The following GREB1 variants were observed in gnomAD, a reference collection of about 807,000 sequenced individuals.
GREB1 encodes protein GREB1.
A neutral mutation model predicts 200.7 loss-of-function variants in GREB1; 106 were observed. That is an observed-to-expected ratio of 0.53 (90% CI 0.45 to 0.62). The LOEUF (loss-of-function observed/expected upper bound fraction) is 0.62. GREB1 is among the 20% of genes least tolerant of loss of function. The probability of loss-of-function intolerance (pLI) is 0.00; values close to 1 mark genes in which losing one functional copy is unlikely to be tolerated. For synonymous variants in GREB1, 1,132 were observed against 1,092.4 expected (o/e 1.04, Z -0.72); for missense variants, 2,243 against 2,556.8 (o/e 0.88, Z 2.65).
At chr2:11,624,563 T>G (rs1305118610) in intron 23 of GREB1, among the ~76,000 whole-genome samples, 2 of 152,088 alleles carry the variant, frequency 1.3e-5, no homozygotes, top group Non-Finnish European at 2.9e-5. Context: ...CAGACTGGTC[T>G]CGAACTCCTG....
rs750609124 is a variant in GREB1, at chr2:11,618,566, T to C, written c.3691T>C (p.Ser1231Pro). Residue 1231 changes from serine (S) to proline (P), a missense_variant, in exon 22 of 33, where the codon TCA (serine) becomes CCA (proline). By Grantham distance (74) the Ser-to-Pro change is moderately conservative. Coordinates refer to ENST00000381486, the MANE Select transcript of GREB1 (RefSeq NM_014668.4). Reference protein sequence around the residue: ...QLSSSSGSSSSSVAPAAGTWV... With the variant: ...QLSSSSGSSSPSVAPAAGTWV... ...GTCCTCCTCCTCGGGCTCATCCTCC[T>C]CATCCGTGGCGCCCGCTGCCGGCAC... The C allele has an allele frequency of 6.2e-7, 1 of 1,612,826 alleles. No homozygotes were observed. Among genetic ancestry groups the C allele is most frequent in the South Asian group, 1.1e-5 (1 of 90,976 alleles).
intron 18 of GREB1, among the ~76,000 whole-genome samples, chr2:11,611,750 C>T (rs1243652652): frequency 6.6e-6 from 1 of 152,220 alleles, no homozygotes; most frequent in Non-Finnish European, 1.5e-5. Flanking sequence ...CAGAACTCAG[C>T]CCCCAAAGCC....
At chr2:11,541,703 C>T (rs1455019318) in intron 1 of GREB1, among the ~76,000 whole-genome samples, 1 of 152,182 alleles carries the variant, frequency 6.6e-6, no homozygotes. Flanking sequence ...ACAGCCTCAT[C>T]AGCCCTGCCT....
intron 26 of GREB1, among the ~76,000 whole-genome samples, chr2:11,631,627 T>A (rs904608886): frequency 2.0e-5 from 3 of 152,182 alleles, no homozygotes; most frequent in Non-Finnish European, 4.4e-5. Context: ...TCAGCTCTCC[T>A]CCATGTGGTC....
intron 1 of GREB1, among the ~76,000 whole-genome samples, chr2:11,512,031 T>G (rs1335898402): frequency 6.6e-6 from 1 of 152,198 alleles, no homozygotes; most frequent in Admixed American, 6.5e-5. Context: ...ATTTCTAGCC[T>G]GTAGCGAGTG....
At chr2:11,506,556 C>G (rs1240970098) in intron 1 of GREB1, among the ~76,000 whole-genome samples, 2 of 152,158 alleles carry the variant, frequency 1.3e-5, no homozygotes, top group African/African-American at 4.8e-5. Context: ...TTATTATTTT[C>G]TATTAGACCA....
chr2:11,604,142 ACTT>A (rs2148261077), intron 17 of GREB1, among the ~76,000 whole-genome samples: 1 of 152,222 alleles, frequency 6.6e-6, no homozygotes, highest in East Asian at 1.9e-4. Context: ...ACCTGTCTAA[ACTT>A]CTGTACCCTG....
intron 10 of GREB1, among the ~76,000 whole-genome samples, chr2:11,589,202 C>T (rs932161808): frequency 6.6e-6 from 1 of 152,222 alleles, no homozygotes; most frequent in Non-Finnish European, 1.5e-5. Flanking sequence ...AGCAAAGACC[C>T]TGTCCTTGAG....
At chr2:11,486,801 G>A (rs532726845) in intron 1 of GREB1, among the ~76,000 whole-genome samples, 69 of 152,038 alleles carry the variant, frequency 4.5e-4, no homozygotes, top group Admixed American at 1.2e-3. Flanking sequence ...CCGGGAAGTG[G>A]AGGTTGCAGT....
intron 29 of GREB1, 21 bp downstream of exon 29, chr2:11,634,370 C>T (rs780494792): frequency 3.1e-6 from 5 of 1,592,696 alleles, no homozygotes; most frequent in African/African-American, 2.7e-5. Context: ...GCACCTGGGG[C>T]AGAGGCGGCG....
At chr2:11,604,890 C>T (rs546776187) in intron 17 of GREB1, among the ~76,000 whole-genome samples, 9 of 152,312 alleles carry the variant, frequency 5.9e-5, no homozygotes, top group South Asian at 2.1e-4. Flanking sequence ...GTGCCATAAA[C>T]GCCAGCATAC....
intron 4 of GREB1, among the ~76,000 whole-genome samples, chr2:11,568,394 G>A (rs949654022): frequency 5.9e-5 from 9 of 152,232 alleles, no homozygotes; most frequent in Admixed American, 2.0e-4. Context: ...TCGAGGGACA[G>A]CACCACTAGA....
At chr2:11,512,669 T>G (rs9287731) in intron 1 of GREB1, among the ~76,000 whole-genome samples, 90,472 of 151,974 alleles carry the variant, frequency 0.6, 27,568 homozygotes, top group East Asian at 0.73. Flanking sequence ...ACAGGAGCTC[T>G]TTGCTCAAAT....
chr2:11,637,940 C>T (rs777578478), intron 31 of GREB1, 24 bp downstream of exon 31: 18 of 1,579,720 alleles, frequency 1.1e-5, no homozygotes, highest in African/African-American at 8.1e-5. Context: ...GGGGTGCTGT[C>T]GAATCCCTAA....
intron 1 of GREB1, among the ~76,000 whole-genome samples, chr2:11,539,352 A>G (rs1354955044): frequency 2.0e-5 from 3 of 152,072 alleles, no homozygotes; most frequent in African/African-American, 4.8e-5. Flanking sequence ...TGCCCAGCCA[A>G]TAGCTGGTGT....
intron 2 of GREB1, among the ~76,000 whole-genome samples, chr2:11,560,532 C>A (rs1285830355): frequency 6.6e-6 from 1 of 152,136 alleles, no homozygotes; most frequent in Non-Finnish European, 1.5e-5. Flanking sequence ...GAAACCCCAT[C>A]TCTACTAAAA....
Position 11,633,169 on chromosome 2 carries a change from C to T in GREB1, c.4991+106C>T, listed in dbSNP as rs192044397. The T allele has an allele frequency of 1.9e-3, 2,145 of 1,100,344 alleles. 3 individuals are homozygous for T. The highest frequency in any genetic ancestry group is 2.7e-3 in the Non-Finnish European group (2,023 of 739,558). 68.2% of individuals were successfully genotyped at this position (1,100,344 alleles called of 1,614,324 possible). A position where few individuals can be genotyped will look rare whatever the true frequency, so the allele number is the denominator to read the frequency against. On this transcript the variant is annotated intron_variant, in intron 28 of 32. Coordinates refer to ENST00000381486, the MANE Select transcript of GREB1 (RefSeq NM_014668.4). The surrounding 1 kb of genome is among the most constrained non-coding windows in gnomAD (Gnocchi z 4.1). ...GCCCACCCCTGGAAGACCGGAGGGC[C>T]TCTCATAGTAGAAGGGGTGGTTGTG...
chr2:11,583,501 ATT>A (rs11332067), intron 7 of GREB1, among the ~76,000 whole-genome samples: 29,128 of 150,930 alleles, frequency 0.19, 3,615 homozygotes, highest in African/African-American at 0.36. Flanking sequence ...TGAAGTGATA[ATT>A]TTTTTTTTGT....
At position 11,556,494 on chromosome 2, in the gene GREB1, T is replaced by C. The variant is rs1314356491; in HGVS notation, c.-121T>C. The C allele has an allele frequency of 3.8e-5, 29 of 753,620 alleles. No individual in the cohort carries two copies. Among genetic ancestry groups the C allele is most frequent in the Non-Finnish European group, 6.0e-5 (28 of 464,786 alleles). 46.7% of individuals were successfully genotyped at this position (753,620 alleles called of 1,614,324 possible). A position where few individuals can be genotyped will look rare whatever the true frequency, so the allele number is the denominator to read the frequency against. ...ACAGCCACCCTTTCTTCGTCTCTGC[T>C]GAGCGAAGGCTACACGGCCCTTCCT... On this transcript the variant is annotated 5_prime_UTR_variant, in exon 2 of 33. Transcript: ENST00000381486.
Sources: allele counts gnomAD v4.1 joint callset (sites outside exome capture counted in the v4.1 genomes callset), GRCh38; gene constraint gnomAD v4.1.1; non-coding constraint Gnocchi (gnomAD v3.1); transcripts MANE v1.5; gene names NCBI Gene and HGNC (gene_info 2026-07-23, HGNC 2026-07-21).